The following SNX9 variants were observed in gnomAD, a reference collection of about 807,000 sequenced individuals.
SNX9 encodes sorting nexin-9.
Under a neutral mutation model 89.4 loss-of-function variants are expected in SNX9, and 44 were observed. The ratio of observed to expected loss-of-function variants is 0.49; its 90% CI spans 0.39 to 0.63. The LOEUF is 0.63. SNX9 is among the 30% of genes least tolerant of loss of function. SNX9 has a pLI of 0.00. For synonymous variants in SNX9, 236 were observed against 247.8 expected (o/e 0.95, Z 0.45); for missense variants, 578 against 736.1 (o/e 0.79, Z 2.49).
At chr6:157,914,512 C>T (rs373774268) in intron 9 of SNX9, among the ~76,000 whole-genome samples, 32 of 109,590 alleles carry the variant, frequency 2.9e-4, no homozygotes, top group Admixed American at 1.4e-3. Context: ...GTCTCACTGT[C>T]GTCGCCCAGG....
rs904098526 is a variant in SNX9, at chr6:157,943,013, G to C, written c.*175G>C. On this transcript the variant is annotated 3_prime_UTR_variant, in exon 18 of 18. Transcript: ENST00000392185. ...ACCCTAAATGCGTCAGTTATTTAGG[G>C]ATGGTCTTTTGTTCATTTCCGCATC... 1.9e-4 allele frequency: 102 copies of C among 549,368 alleles called. No homozygotes were observed. The highest frequency in any genetic ancestry group is 6.2e-5 in the Non-Finnish European group (20 of 321,722). The allele number at this position is 549,368 out of a possible 1,614,324, so 34.0% of individuals were successfully genotyped here.
chr6:157,934,540 G>C (rs1003409400), intron 13 of SNX9, among the ~76,000 whole-genome samples: 33 of 152,156 alleles, frequency 2.2e-4, no homozygotes, highest in African/African-American at 7.5e-4. Flanking sequence ...GCCCCCAGGA[G>C]CGGGTGCCTC....
chr6:157,884,297 A>G (rs1014897291), intron 4 of SNX9, among the ~76,000 whole-genome samples: 1 of 152,208 alleles, frequency 6.6e-6, no homozygotes, highest in African/African-American at 2.4e-5. Context: ...ATTTGTTGCA[A>G]AGGAATTTTT....
intron 2 of SNX9, among the ~76,000 whole-genome samples, chr6:157,870,350 GCT>G (rs1290083511): frequency 2.0e-5 from 3 of 150,402 alleles, no homozygotes; most frequent in Non-Finnish European, 4.4e-5. Flanking sequence ...TCACACTCAT[GCT>G]CTCACACATG....
rs1784091240 is a variant in SNX9, at chr6:157,943,804, CG to C, written c.*967del. ...GCTCCTCATCCACCGTGATGAGAAG[CG>C]CTGCTGTGGCCACGGCACACTGCTT... On this transcript the variant is annotated 3_prime_UTR_variant, in exon 18 of 18. Transcript: ENST00000392185. 2 of 152,190 alleles carry C rather than the reference CG, an allele frequency of 1.3e-5. No homozygotes were observed. The allele number at this position is 152,190 out of a possible 1,614,324, so 9.4% of individuals were successfully genotyped here. A position where few individuals can be genotyped will look rare whatever the true frequency, so the allele number is the denominator to read the frequency against.
At chr6:157,936,804 G>A (rs1783934223) in intron 14 of SNX9, among the ~76,000 whole-genome samples, 1 of 152,174 alleles carries the variant, frequency 6.6e-6, no homozygotes, top group African/African-American at 2.4e-5. Context: ...TAGTACCCCA[G>A]TTTCAGGGGC....
chr6:157,876,048 G>T (rs964399071), intron 4 of SNX9, among the ~76,000 whole-genome samples: 1 of 151,854 alleles, frequency 6.6e-6, no homozygotes, highest in African/African-American at 2.4e-5. Context: ...AAATGAATGG[G>T]CTTTAGGAGA....
At chr6:157,939,427 A>G (rs1583250399) in intron 16 of SNX9, among the ~76,000 whole-genome samples, 1 of 77,852 alleles carries the variant, frequency 1.3e-5, no homozygotes, top group African/African-American at 8.6e-5. Flanking sequence ...AAAAGGGAGT[A>G]AAAAAAAATC....
chr6:157,823,477 T>C lies in SNX9; in HGVS notation c.12+31T>C. ...GGGCGCGCGGCGCAGGCCGGGCCGG[T>C]CGCTCAGGCCCGGGGCGGCGCGGAG... On this transcript the variant is annotated intron_variant, in intron 1 of 17. Coordinates refer to ENST00000392185, the MANE Select transcript of SNX9 (RefSeq NM_016224.5). This position sits in a 1 kb window ranked among gnomAD's most constrained non-coding sequence, Gnocchi z 4.6. 1 of 1,184,182 alleles carries C rather than the reference T, an allele frequency of 8.4e-7. No individual in the cohort carries two copies. The allele number at this position is 1,184,182 out of a possible 1,614,324, so 73.4% of individuals were successfully genotyped here. A position where few individuals can be genotyped will look rare whatever the true frequency, so the allele number is the denominator to read the frequency against.
chr6:157,857,941 T>C (rs7772983), intron 1 of SNX9, among the ~76,000 whole-genome samples: 19,156 of 152,126 alleles, frequency 0.13, 1,963 homozygotes, highest in African/African-American at 0.28. Context: ...GGACTGACAA[T>C]GCGTGGTTCT....
chr6:157,887,799 C>T (rs576444589), intron 4 of SNX9, among the ~76,000 whole-genome samples: 1 of 152,114 alleles, frequency 6.6e-6, no homozygotes, highest in Admixed American at 6.5e-5. Flanking sequence ...ATAATACCAC[C>T]GCTTATTTCA....
At chr6:157,885,274 C>G (rs1015283491) in intron 4 of SNX9, 41 of 152,108 alleles carry the variant, frequency 2.7e-4, no homozygotes, top group African/African-American at 9.9e-4. Context: ...TAGATTGAGT[C>G]TGCTGTGATC....
chr6:157,877,628 C>T (rs560037877), intron 4 of SNX9, among the ~76,000 whole-genome samples: 170 of 152,296 alleles, frequency 1.1e-3, no homozygotes, highest in African/African-American at 4.0e-3. Flanking sequence ...AAGATGTGTG[C>T]TCTGAGGTGA....
intron 9 of SNX9, among the ~76,000 whole-genome samples, chr6:157,914,729 C>G (rs1471743081): frequency 1.3e-5 from 2 of 152,062 alleles, no homozygotes; most frequent in East Asian, 3.9e-4. Flanking sequence ...CCACCCACTT[C>G]GGCCTCCCAA....
intron 15 of SNX9, among the ~76,000 whole-genome samples, chr6:157,938,034 A>G (rs936646242): frequency 5.9e-5 from 9 of 152,248 alleles, no homozygotes; most frequent in Admixed American, 2.6e-4. Context: ...AGCCTAATTA[A>G]TGCATGAGTA....
intron 5 of SNX9, among the ~76,000 whole-genome samples, chr6:157,899,321 C>T (rs1286159066): frequency 2.0e-5 from 3 of 152,116 alleles, no homozygotes; most frequent in Non-Finnish European, 4.4e-5. Flanking sequence ...TCTGTCGTCC[C>T]TTTCGTCCTC....
chr6:157,871,897 C>G (rs1249347091), intron 2 of SNX9, among the ~76,000 whole-genome samples: 2 of 151,544 alleles, frequency 1.3e-5, no homozygotes, highest in African/African-American at 4.9e-5. Context: ...ATGCCCCAGC[C>G]TCCCGAGTAG....
At chr6:157,837,483 T>C (rs1451656568) in intron 1 of SNX9, among the ~76,000 whole-genome samples, 1 of 152,246 alleles carries the variant, frequency 6.6e-6, no homozygotes, top group Non-Finnish European at 1.5e-5. Context: ...AGATAATACA[T>C]GCCTTTGTGT....
intron 1 of SNX9, among the ~76,000 whole-genome samples, chr6:157,857,135 T>G (rs1006066271): frequency 1.3e-5 from 2 of 152,226 alleles, no homozygotes; most frequent in African/African-American, 2.4e-5. Context: ...CATGAACTCA[T>G]GAGTTTAAGC....
Sources: gnomAD v4.1 joint callset for allele counts (sites outside exome capture counted in the v4.1 genomes callset) on GRCh38, gnomAD v4.1.1 for gene constraint, Gnocchi (gnomAD v3.1) non-coding constraint, MANE v1.5 for transcripts, NCBI Gene and HGNC (gene_info 2026-07-23, HGNC 2026-07-21) for gene names.